The following CCSER1 variants were observed in gnomAD, a reference collection of about 807,000 sequenced individuals.
The protein encoded by CCSER1 is coiled-coil serine rich protein 1, also known as serine-rich coiled-coil domain-containing protein 1.
CCSER1 carries 41 observed loss-of-function variants against 82.0 expected under a neutral mutation model. The observed-to-expected ratio is 0.50, with a 90% CI of 0.39 to 0.65. CCSER1 has a LOEUF of 0.65. Among genes scored for constraint, CCSER1 ranks in the 30% least tolerant of loss-of-function variants. The probability of loss-of-function intolerance (pLI) is 0.00; values close to 1 mark genes in which losing one functional copy is unlikely to be tolerated. For missense variants in CCSER1, 1,119 were observed against 1,064.2 expected (o/e 1.05, Z -0.72); for synonymous variants, 414 against 383.9 (o/e 1.08, Z -0.92).
In CCSER1 at chr4:91,474,869, A is replaced by G. The variant is rs182787267; in HGVS notation, c.2218-123703A>G. On this transcript the variant is annotated intron_variant, in intron 10 of 10. Transcript: ENST00000509176. ...CTTCCAAATTTGAGGGATAAAAAGTAGAATGTAATAACATGACTCAGTGTA... is the reference window on the plus strand; with the variant it reads ...CTTCCAAATTTGAGGGATAAAAAGTGGAATGTAATAACATGACTCAGTGTA... Among the ~76,000 whole-genome samples the G allele has an allele frequency of 2.0e-3, 305 of 151,206 alleles. 1 individual carries two copies. Among genetic ancestry groups the G allele is most frequent in the Non-Finnish European group, 3.6e-3 (243 of 67,664 alleles).
intron 4 of CCSER1, among the ~76,000 whole-genome samples, chr4:90,429,149 T>A (rs774935496): frequency 1.3e-4 from 20 of 151,778 alleles, no homozygotes; most frequent in Non-Finnish European, 2.4e-4. Flanking sequence ...AAAGTAGTTT[T>A]AAAAAAATAA....
chr4:90,787,759 C>T (rs1170118281), intron 7 of CCSER1, among the ~76,000 whole-genome samples: 1 of 152,102 alleles, frequency 6.6e-6, no homozygotes, highest in Non-Finnish European at 1.5e-5. Context: ...TCAAAGTGAC[C>T]TTGACCTTGA....
intron 10 of CCSER1, among the ~76,000 whole-genome samples, chr4:91,263,130 A>C (rs2149168759): frequency 6.6e-6 from 1 of 152,192 alleles, no homozygotes; most frequent in Admixed American, 6.5e-5. Context: ...GTGTATAGTT[A>C]AATTTGCTGC....
At chr4:90,913,619 A>G (rs1001859332) in intron 8 of CCSER1, among the ~76,000 whole-genome samples, 1 of 152,196 alleles carries the variant, frequency 6.6e-6, no homozygotes, top group African/African-American at 2.4e-5. Flanking sequence ...TCATAATGAC[A>G]GGATCAAATT....
chr4:91,349,196 G>A (rs1441590886), intron 10 of CCSER1, among the ~76,000 whole-genome samples: 1 of 150,262 alleles, frequency 6.7e-6, no homozygotes, highest in African/African-American at 2.5e-5. Flanking sequence ...CGTGAGACAC[G>A]GCGCCCGGCC....
intron 1 of CCSER1, among the ~76,000 whole-genome samples, chr4:90,224,459 CT>C (rs1333757481): frequency 6.6e-6 from 1 of 152,140 alleles, no homozygotes; most frequent in African/African-American, 2.4e-5. Context: ...CTAGAAGTGT[CT>C]TTTGTGGCAG....
intron 10 of CCSER1, among the ~76,000 whole-genome samples, chr4:91,404,741 T>C (rs944670996): frequency 1.3e-5 from 2 of 152,222 alleles, no homozygotes; most frequent in Non-Finnish European, 2.9e-5. Context: ...CTAGTTTGAT[T>C]GCACCATTGT....
chr4:90,988,253 T>A (rs1405091170), intron 9 of CCSER1, among the ~76,000 whole-genome samples: 1 of 142,830 alleles, frequency 7.0e-6, no homozygotes, highest in African/African-American at 2.6e-5. Flanking sequence ...GAGGATCCCT[T>A]GAGCCAGGAA....
chr4:91,062,227 T>C (rs1457227254), intron 9 of CCSER1, among the ~76,000 whole-genome samples: 2 of 152,100 alleles, frequency 1.3e-5, no homozygotes, highest in African/African-American at 4.8e-5. Flanking sequence ...TCAGAGTTTA[T>C]AGCCCTAAAA....
intron 10 of CCSER1, among the ~76,000 whole-genome samples, chr4:91,210,101 T>A (rs1287498994): frequency 6.6e-6 from 1 of 151,780 alleles, no homozygotes; most frequent in Admixed American, 6.6e-5. Context: ...CAAAGGATGA[T>A]GAAGACATAT....
At chr4:90,415,994 A>G (rs1410521060) in intron 4 of CCSER1, among the ~76,000 whole-genome samples, 4 of 152,142 alleles carry the variant, frequency 2.6e-5, no homozygotes, top group African/African-American at 7.2e-5. Flanking sequence ...AGTTGATGGG[A>G]GTAGAACTAG....
At chr4:91,165,876 A>G (rs1234432228) in intron 10 of CCSER1, among the ~76,000 whole-genome samples, 1 of 152,070 alleles carries the variant, frequency 6.6e-6, no homozygotes, top group South Asian at 2.1e-4. Context: ...CCCCCAACCC[A>G]TTGTGCTTCC....
chr4:90,673,978 G>C (rs556669553), intron 6 of CCSER1, among the ~76,000 whole-genome samples: 1 of 151,980 alleles, frequency 6.6e-6, no homozygotes, highest in East Asian at 1.9e-4. Context: ...TTTTGAGTTA[G>C]GTCCTACCTT....
intron 1 of CCSER1, among the ~76,000 whole-genome samples, chr4:90,247,102 G>A (rs1432720207): frequency 2.0e-5 from 3 of 152,090 alleles, no homozygotes; most frequent in Admixed American, 2.0e-4. Context: ...TTCACATGAG[G>A]AACAAAGCAG....
At chr4:91,202,771 ATATG>A (rs540695187) in intron 10 of CCSER1, among the ~76,000 whole-genome samples, 1 of 151,756 alleles carries the variant, frequency 6.6e-6, no homozygotes, top group Non-Finnish European at 1.5e-5. Flanking sequence ...ACACTCATAT[ATATG>A]TGTGCATATA....
At chr4:90,367,756 G>T (rs1014232660) in intron 3 of CCSER1, among the ~76,000 whole-genome samples, 1 of 151,756 alleles carries the variant, frequency 6.6e-6, no homozygotes, top group African/African-American at 2.4e-5. Flanking sequence ...CCAGAAAACA[G>T]TCCGGTTGAA....
chr4:90,517,410 G>A (rs1433241690), intron 5 of CCSER1, among the ~76,000 whole-genome samples: 1 of 152,064 alleles, frequency 6.6e-6, no homozygotes, highest in East Asian at 1.9e-4. Flanking sequence ...AGCTTGGATT[G>A]AAAGGTCACA....
intron 7 of CCSER1, among the ~76,000 whole-genome samples, chr4:90,762,616 C>T (rs1347292606): frequency 6.6e-6 from 1 of 152,146 alleles, no homozygotes; most frequent in Admixed American, 6.6e-5. Context: ...TGCATCACCT[C>T]TGTAAACTGT....
At chr4:90,666,035 G>T (rs1215151047) in intron 6 of CCSER1, among the ~76,000 whole-genome samples, 1 of 152,070 alleles carries the variant, frequency 6.6e-6, no homozygotes, top group Non-Finnish European at 1.5e-5. Context: ...AAGGTCTTCT[G>T]CATTCCTTGT....
Sources: allele counts gnomAD v4.1 joint callset (sites outside exome capture counted in the v4.1 genomes callset), GRCh38; gene constraint gnomAD v4.1.1; transcripts MANE v1.5; gene names NCBI Gene and HGNC (gene_info 2026-07-23, HGNC 2026-07-21).